Variants in ADGB observed in about 807,000 individuals in gnomAD.
The protein encoded by ADGB is androglobin, also known as calpain-7-like protein.
Under a neutral mutation model 210.5 loss-of-function variants are expected in ADGB, and 172 were observed. The observed-to-expected ratio is 0.82, with a 90% CI of 0.72 to 0.93. The LOEUF is 0.93. ADGB is among the 40% of genes least tolerant of loss of function. The pLI, the probability that ADGB is intolerant of heterozygous loss-of-function variation, is 0.00. For missense variants in ADGB, 2,025 were observed against 1,964.8 expected (o/e 1.03, Z -0.58); for synonymous variants, 658 against 662.7 (o/e 0.99, Z 0.11).
At position 146,732,986 on chromosome 6, in the gene ADGB, A is replaced by G. The variant is rs949130817; in HGVS notation, c.2521-134A>G. 4.7e-6 allele frequency: 3 copies of G among 641,434 alleles called. No individual in the cohort carries two copies. In the African/African-American group the frequency reaches 5.7e-5, roughly 12 times the overall value. The allele number at this position is 641,434 out of a possible 1,614,324, so 39.7% of individuals were successfully genotyped here. On this transcript the variant is annotated intron_variant, in intron 20 of 35. Transcript: ENST00000397944. ...TACTGGGCAGGTGAGACTTCAAAGA[A>G]TCTTCTGTTAGGTTGCGTGTACATC...
intron 35 of ADGB, among the ~76,000 whole-genome samples, chr6:146,813,904 A>C (rs1197987805): frequency 2.0e-5 from 3 of 152,206 alleles, no homozygotes; most frequent in Non-Finnish European, 4.4e-5. Context: ...GCCATTTTAA[A>C]AGAAACGTGA....
chr6:146,690,746 T>A (rs1225802485), intron 10 of ADGB, among the ~76,000 whole-genome samples: 2 of 152,182 alleles, frequency 1.3e-5, no homozygotes, highest in African/African-American at 4.8e-5. Flanking sequence ...AATGGCTAGT[T>A]TTTTTTAATT....
intron 14 of ADGB, among the ~76,000 whole-genome samples, 191 bp downstream of exon 14, chr6:146,715,606 A>G (rs1776721169): frequency 6.6e-6 from 1 of 152,182 alleles, no homozygotes; most frequent in South Asian, 2.1e-4. Flanking sequence ...AGCTAAAAAT[A>G]AAAATGAAAG....
At position 146,733,250 on chromosome 6, in the gene ADGB, C is replaced by G; in HGVS notation, c.2651C>G (p.Ser884Cys). The change falls in exon 21 of 36, where the codon TCT becomes TGT. Residue 884 changes from serine to cysteine, a missense_variant. Coordinates refer to ENST00000397944, the MANE Select transcript of ADGB (RefSeq NM_024694.4). ...ELLNSSLEEV[S>C]LVEWLDVKYC... ...CTCAATTCCTCCTTGGAAGAGGTTT[C>G]TTTAGGTACCCATGAATTGTATATA... The G allele has an allele frequency of 6.6e-7, 1 of 1,516,556 alleles. No individual in the cohort carries two copies. Among genetic ancestry groups the G allele is most frequent in the East Asian group, 2.5e-5 (1 of 40,244 alleles). The allele number at this position is 1,516,556 out of a possible 1,614,324, so 93.9% of individuals were successfully genotyped here. A position where few individuals can be genotyped will look rare whatever the true frequency, so the allele number is the denominator to read the frequency against.
intron 27 of ADGB, among the ~76,000 whole-genome samples, chr6:146,760,445 ATCT>A (rs1210527531): frequency 1.1e-5 from 1 of 88,766 alleles, no homozygotes; most frequent in African/African-American, 4.4e-5. Context: ...TTCTATTTCT[ATCT>A]ATGTTTCTGA....
rs977870034 is a variant in ADGB at position 146,717,030 on chromosome 6, A to G, written c.1889A>G (p.Glu630Gly). Residue 630 changes from glutamate (E) to glycine (G), a missense_variant, in exon 15 of 36, where the codon GAA (glutamate) becomes GGA (glycine). By Grantham distance (98) the Glu-to-Gly change is moderately conservative. Coordinates refer to ENST00000397944, the MANE Select transcript of ADGB (RefSeq NM_024694.4). ...LPTTNNSVSK[E>G]IWLDFEDFCV... ...ACAACAAATAATAGTGTTTCTAAAG[A>G]AATATGGTTAGATTTTGAAGATTTC... 1.1e-5 allele frequency: 17 copies of G among 1,551,480 alleles called. No homozygotes were observed. Among genetic ancestry groups the G allele is most frequent in the Non-Finnish European group, 1.5e-5 (17 of 1,146,912 alleles).
chr6:146,733,427 C>T lies in ADGB; in HGVS notation c.2656+172C>T, dbSNP rs576140893. Reference sequence around the variant, plus strand: ...CCAAGGACCTGCTGGGGATCCCCTACCCCTAATCCCCACCACATATACTTC... The same window carrying T: ...CCAAGGACCTGCTGGGGATCCCCTATCCCTAATCCCCACCACATATACTTC... On this transcript the variant is annotated intron_variant, in intron 21 of 35. Transcript: ENST00000397944. Among the ~76,000 whole-genome samples the T allele has an allele frequency of 2.6e-5, 4 of 152,202 alleles. No homozygotes were observed. In the East Asian group the frequency reaches 7.7e-4, roughly 29 times the overall value.
chr6:146,645,489 G>A (rs1775595909), intron 3 of ADGB, among the ~76,000 whole-genome samples: 1 of 151,722 alleles, frequency 6.6e-6, no homozygotes, highest in African/African-American at 2.4e-5. Flanking sequence ...TTTTCCAAGG[G>A]TTTAATTATG....
Position 146,656,906 on chromosome 6 carries a change from C to G in ADGB, c.538C>G (p.Leu180Val). The G allele has an allele frequency of 1.3e-6, 2 of 1,551,650 alleles. No individual in the cohort carries two copies. Among genetic ancestry groups the G allele is most frequent in the Non-Finnish European group, 1.7e-6 (2 of 1,146,900 alleles). ...GAAGCCCTGGGAACACATATACTCTCTGTGCAAGGCTGTGAAGGGTCATAT... is the reference window on the plus strand; with the variant it reads ...GAAGCCCTGGGAACACATATACTCTGTGTGCAAGGCTGTGAAGGGTCATAT... Reference protein sequence around the residue: ...PWKPWEHIYSLCKAVKGHMPL... With the variant: ...PWKPWEHIYSVCKAVKGHMPL... Residue 180 changes from leucine to valine, a missense_variant, in exon 5 of 36, where the codon CTG (leucine) becomes GTG (valine). Leu to Val is a conservative substitution (Grantham distance 32). Coordinates refer to ENST00000397944, the MANE Select transcript of ADGB (RefSeq NM_024694.4).
At chr6:146,799,617 A>AAGGG (rs1313999910) in intron 33 of ADGB, among the ~76,000 whole-genome samples, 1 of 143,906 alleles carries the variant, frequency 6.9e-6, no homozygotes, top group Non-Finnish European at 1.5e-5. Flanking sequence ...GAAGGGAAGA[A>AAGGG]AGGGAGGGAG....
At chr6:146,804,800 A>G (rs1304785332) in intron 35 of ADGB, among the ~76,000 whole-genome samples, 1 of 152,210 alleles carries the variant, frequency 6.6e-6, no homozygotes, top group Admixed American at 6.5e-5. Context: ...TCCTGTGGTA[A>G]CAAAACCCCC....
intron 9 of ADGB, among the ~76,000 whole-genome samples, chr6:146,681,269 C>T (rs1275443078): frequency 6.6e-6 from 1 of 151,948 alleles, no homozygotes; most frequent in African/African-American, 2.4e-5. Flanking sequence ...TGTGTAACAT[C>T]TCTCCCTACT....
intron 26 of ADGB, among the ~76,000 whole-genome samples, chr6:146,752,081 G>A (rs1248512637): frequency 1.3e-5 from 2 of 152,056 alleles, no homozygotes; most frequent in Non-Finnish European, 2.9e-5. Context: ...AAATACCTGA[G>A]ACTGGGTAAT....
chr6:146,757,234 T>A (rs1777420709), intron 27 of ADGB, among the ~76,000 whole-genome samples: 1 of 152,066 alleles, frequency 6.6e-6, no homozygotes, highest in African/African-American at 2.4e-5. Context: ...ATTTTCAATA[T>A]TCAATGATAT....
At chr6:146,681,097 AGG>A (rs1351183130) in intron 9 of ADGB, among the ~76,000 whole-genome samples, 18 of 152,332 alleles carry the variant, frequency 1.2e-4, no homozygotes, top group East Asian at 7.7e-4. Flanking sequence ...ACAAAAGTCC[AGG>A]ATATATTTTG....
chr6:146,647,160 A>G (rs2114874745), intron 3 of ADGB, among the ~76,000 whole-genome samples: 1 of 135,504 alleles, frequency 7.4e-6, no homozygotes, highest in South Asian at 2.4e-4. Flanking sequence ...CAAACAAAAA[A>G]AACCAGATTC....
chr6:146,761,981 G>T (rs1007087751), intron 27 of ADGB, among the ~76,000 whole-genome samples: 2 of 151,972 alleles, frequency 1.3e-5, no homozygotes, highest in Non-Finnish European at 2.9e-5. Flanking sequence ...CCTCTTATTT[G>T]TATGTCTCCA....
In ADGB at chr6:146,788,388, G is replaced by C. The variant is rs1777908520; in HGVS notation, c.4316-1G>C. On this transcript the variant is annotated splice_acceptor_variant, in intron 32 of 35. Transcript: ENST00000397944. LOFTEE classifies it high-confidence loss of function. Reference sequence around the variant, plus strand: ...TCAGTAATGCACATGTCATGTTGTAGTAGAAACAGCTGCACGTGGCGTAAA... The same window carrying C: ...TCAGTAATGCACATGTCATGTTGTACTAGAAACAGCTGCACGTGGCGTAAA... The C allele has an allele frequency of 1.9e-6, 3 of 1,551,156 alleles. No individual in the cohort carries two copies. Among genetic ancestry groups the C allele is most frequent in the Non-Finnish European group, 2.6e-6 (3 of 1,146,648 alleles).
Position 146,741,277 on chromosome 6 carries a change from T to A in ADGB, c.3177+6T>A. On this transcript the variant is annotated splice_donor_region_variant and intron_variant, in intron 25 of 35. Coordinates refer to ENST00000397944, the MANE Select transcript of ADGB (RefSeq NM_024694.4). ...ATCTTTATACCAAGAATAAGGTAGG[T>A]ATAAAATTTATTCTCCACATATGAT... 1 of 1,550,174 alleles carries A rather than the reference T, an allele frequency of 6.5e-7. No homozygotes were observed. Among genetic ancestry groups the A allele is most frequent in the Non-Finnish European group, 8.7e-7 (1 of 1,146,228 alleles).
Sources: gnomAD v4.1 joint callset for allele counts (sites outside exome capture counted in the v4.1 genomes callset) on GRCh38, gnomAD v4.1.1 for gene constraint, MANE v1.5 for transcripts, NCBI Gene and HGNC (gene_info 2026-07-23, HGNC 2026-07-21) for gene names.